The following GLRA3 variants were observed in gnomAD, a reference collection of about 807,000 sequenced individuals.
GLRA3 encodes glycine receptor subunit alpha-3.
Under a neutral mutation model 60.4 loss-of-function variants are expected in GLRA3, and 44 were observed. That is an observed-to-expected ratio of 0.73 (90% CI 0.57 to 0.94). The LOEUF (loss-of-function observed/expected upper bound fraction) is 0.94. Among genes scored for constraint, GLRA3 ranks in the 40% least tolerant of loss-of-function variants. The pLI, the probability that GLRA3 is intolerant of heterozygous loss-of-function variation, is 0.00. For missense variants in GLRA3, 508 were observed against 564.6 expected (o/e 0.90, Z 1.02); for synonymous variants, 223 against 192.9 (o/e 1.16, Z -1.29).
intron 1 of GLRA3, among the ~76,000 whole-genome samples, chr4:174,799,912 G>T (rs1739741739): frequency 6.6e-6 from 1 of 152,050 alleles, no homozygotes; most frequent in African/African-American, 2.4e-5. Context: ...ATGTGAAATA[G>T]AAATAGATAA....
chr4:174,750,234 T>C (rs1407201720), intron 3 of GLRA3, among the ~76,000 whole-genome samples: 4 of 152,130 alleles, frequency 2.6e-5, no homozygotes, highest in East Asian at 1.9e-4. Flanking sequence ...AATTTTAGAA[T>C]TGGCTAAACT....
intron 3 of GLRA3, among the ~76,000 whole-genome samples, chr4:174,764,352 T>C (rs7687064): frequency 0.21 from 31,918 of 151,936 alleles, 4,014 homozygotes; most frequent in Non-Finnish European, 0.3. Context: ...TTGAAGACAG[T>C]TAAGATTCTT....
intron 1 of GLRA3, among the ~76,000 whole-genome samples, chr4:174,815,052 GC>G (rs147378966): frequency 0.013 from 1,997 of 152,282 alleles, 37 homozygotes; most frequent in African/African-American, 0.045. Context: ...CTTCCTAGAT[GC>G]AATGGGGTTA....
intron 2 of GLRA3, among the ~76,000 whole-genome samples, chr4:174,784,100 A>C (rs1022436358): frequency 6.8e-6 from 1 of 146,828 alleles, no homozygotes; most frequent in African/African-American, 2.5e-5. Flanking sequence ...CTGGATTAAG[A>C]AAATGTGGCA....
rs114435852 is a variant in GLRA3, at chr4:174,785,900, G to T, written c.199+2916C>A. On this transcript the variant is annotated intron_variant, in intron 2 of 9. Coordinates refer to ENST00000274093, the MANE Select transcript of GLRA3 (RefSeq NM_006529.4). The stretch of plus-strand genomic sequence containing the variant: ...TCCTCCTGCCTCAGCCTCCCAAGAA[G>T]CCAGGACTAAAGGTGTGTGCCACCA... Among the ~76,000 whole-genome samples the T allele has an allele frequency of 6.0e-3, 896 of 150,000 alleles. 2 individuals are homozygous for T. Among genetic ancestry groups the T allele is most frequent in the African/African-American group, 0.02 (830 of 40,730 alleles).
intron 3 of GLRA3, among the ~76,000 whole-genome samples, chr4:174,740,125 A>G (rs1736959002): frequency 6.6e-6 from 1 of 152,210 alleles, no homozygotes; most frequent in South Asian, 2.1e-4. Flanking sequence ...TTTAGTTGAC[A>G]CAATTCCAGA....
At chr4:174,722,356 T>C (rs1382756200) in intron 4 of GLRA3, among the ~76,000 whole-genome samples, 2 of 152,222 alleles carry the variant, frequency 1.3e-5, no homozygotes, top group Non-Finnish European at 2.9e-5. Flanking sequence ...GGTCCACTTG[T>C]CCTACAAAGC....
intron 3 of GLRA3, among the ~76,000 whole-genome samples, chr4:174,736,569 T>G (rs1736797907): frequency 6.6e-6 from 1 of 152,188 alleles, no homozygotes; most frequent in Non-Finnish European, 1.5e-5. Context: ...AATCACACTA[T>G]ACGTGACCTT....
At chr4:174,710,818 T>C (rs1398524316) in intron 5 of GLRA3, among the ~76,000 whole-genome samples, 3 of 152,078 alleles carry the variant, frequency 2.0e-5, no homozygotes, top group Non-Finnish European at 4.4e-5. Context: ...TCTCCAGGGA[T>C]GTGTCTAGGT....
chr4:174,728,840 A>G lies in GLRA3; in HGVS notation c.268-142T>C, dbSNP rs1333105213. 8.7e-6 allele frequency: 5 copies of G among 577,122 alleles called. No individual in the cohort carries two copies. In the South Asian group the frequency reaches 1.2e-4, roughly 14 times the overall value. 35.8% of individuals were successfully genotyped at this position (577,122 alleles called of 1,614,324 possible). A position where few individuals can be genotyped will look rare whatever the true frequency, so the allele number is the denominator to read the frequency against. On this transcript the variant is annotated intron_variant, in intron 3 of 9. Transcript: ENST00000274093. ...TGGGGACGGGGTGTATAGTTAATGG[A>G]GGAGGCTATACAAGTGTTGGGACAG...
At position 174,744,583 on chromosome 4, in the gene GLRA3, C is replaced by T. The variant is rs576131652; in HGVS notation, c.268-15885G>A. Among the ~76,000 whole-genome samples the T allele has an allele frequency of 8.5e-5, 13 of 152,282 alleles. No homozygotes were observed. In the South Asian group the frequency reaches 1.5e-3, roughly 17 times the overall value. On this transcript the variant is annotated intron_variant, in intron 3 of 9. Transcript: ENST00000274093. ...TCAAGTAAATCATACAAAGATTGCA[C>T]GACTGCATGCACCCAGAATCAAAGC...
At chr4:174,806,683 G>A (rs1289785578) in intron 1 of GLRA3, among the ~76,000 whole-genome samples, 1 of 152,026 alleles carries the variant, frequency 6.6e-6, no homozygotes, top group Non-Finnish European at 1.5e-5. Flanking sequence ...GATATGGGTA[G>A]GTTATGTGGA....
At chr4:174,689,296 T>C (rs1359020139) in intron 5 of GLRA3, among the ~76,000 whole-genome samples, 1 of 152,206 alleles carries the variant, frequency 6.6e-6, no homozygotes, top group Non-Finnish European at 1.5e-5. Context: ...ATTGTACTAT[T>C]TGCAAGTATT....
intron 4 of GLRA3, among the ~76,000 whole-genome samples, chr4:174,725,728 TG>T (rs1736298225): frequency 6.6e-6 from 1 of 152,120 alleles, no homozygotes; most frequent in Non-Finnish European, 1.5e-5. Flanking sequence ...GCAATTTGCC[TG>T]CCTCAGCCTC....
At chr4:174,686,266 T>C (rs544985646) in intron 5 of GLRA3, among the ~76,000 whole-genome samples, 2 of 152,306 alleles carry the variant, frequency 1.3e-5, no homozygotes, top group African/African-American at 4.8e-5. Context: ...AAATCAATAC[T>C]TTTTTACACA....
At chr4:174,762,990 G>T (rs1213492176) in intron 3 of GLRA3, among the ~76,000 whole-genome samples, 1 of 151,938 alleles carries the variant, frequency 6.6e-6, no homozygotes, top group African/African-American at 2.4e-5. Flanking sequence ...TCATACAAAC[G>T]GAAGTAATTG....
chr4:174,776,910 G>C (rs1188438517), intron 2 of GLRA3, among the ~76,000 whole-genome samples: 5 of 152,084 alleles, frequency 3.3e-5, no homozygotes, highest in Non-Finnish European at 7.4e-5. Context: ...CAATTACAGA[G>C]TTAAAATCTC....
chr4:174,790,580 C>A (rs1174674337), intron 1 of GLRA3, among the ~76,000 whole-genome samples: 2 of 151,712 alleles, frequency 1.3e-5, no homozygotes, highest in Non-Finnish European at 2.9e-5. Flanking sequence ...CTTGCAAAAT[C>A]TCTCCTTTCA....
chr4:174,767,153 CACAG>C (rs1433562707), intron 2 of GLRA3, 123 bp from the exon 3 acceptor site: 1 of 497,630 alleles, frequency 2.0e-6, no homozygotes, highest in Non-Finnish European at 3.7e-6. Flanking sequence ...CACACACACA[CACAG>C]ATGCTTAAAA....
Sources: gnomAD v4.1 joint callset for allele counts (sites outside exome capture counted in the v4.1 genomes callset) on GRCh38, gnomAD v4.1.1 for gene constraint, MANE v1.5 for transcripts, NCBI Gene and HGNC (gene_info 2026-07-23, HGNC 2026-07-21) for gene names.